The following ZIM2 variants were observed in gnomAD, a reference collection of about 807,000 sequenced individuals.
ZIM2 encodes zinc finger protein 656.
A neutral mutation model predicts 38.6 loss-of-function variants in ZIM2; 14 were observed. The observed-to-expected ratio is 0.36, with a 90% CI of 0.24 to 0.57. ZIM2 has a LOEUF of 0.57. Ranked by LOEUF, ZIM2 falls within the 20% of genes least tolerant of loss-of-function variation. The pLI is 0.81. For synonymous variants in ZIM2, 247 were observed against 245.8 expected (o/e 1.00, Z -0.04); for missense variants, 680 against 695.1 (o/e 0.98, Z 0.24).
chr19:56,822,731 A>C, intron 6 of ZIM2, 22 bp downstream of exon 6: 1 of 1,613,364 alleles, frequency 6.2e-7, no homozygotes, highest in Non-Finnish European at 8.5e-7. Context: ...TCCTACTGGG[A>C]AAGAAAGTGG....
intron 9 of ZIM2, chr19:56,815,768 C>T: frequency 6.2e-7 from 1 of 1,613,836 alleles, no homozygotes; most frequent in Non-Finnish European, 8.5e-7. Flanking sequence ...ACAGAGTCTT[C>T]ATAGTTGCGA....
At chr19:56,777,242 A>G (rs1368250775) in intron 12 of ZIM2, among the ~76,000 whole-genome samples, 2 of 152,230 alleles carry the variant, frequency 1.3e-5, no homozygotes, top group Non-Finnish European at 2.9e-5. Flanking sequence ...AGCTGGGCCC[A>G]TCACAATGGA....
chr19:56,824,233 G>T (rs771854254), intron 4 of ZIM2, 29 bp downstream of exon 4: 2 of 1,606,128 alleles, frequency 1.2e-6, no homozygotes, highest in South Asian at 2.2e-5. Flanking sequence ...GGCCTGCACT[G>T]ACCACCAACA....
chr19:56,795,467 T>G (rs2047158312), intron 9 of ZIM2, among the ~76,000 whole-genome samples: 3 of 152,148 alleles, frequency 2.0e-5, no homozygotes, highest in Non-Finnish European at 4.4e-5. Context: ...CGAACTTACC[T>G]CGCACGCCTC....
At chr19:56,839,639 T>C (rs1236386238) in intron 1 of ZIM2, among the ~76,000 whole-genome samples, 3 of 152,272 alleles carry the variant, frequency 2.0e-5, no homozygotes, top group African/African-American at 4.8e-5. Context: ...GAACAGCGCC[T>C]ACTCGGCAAA....
intron 1 of ZIM2, among the ~76,000 whole-genome samples, chr19:56,837,786 C>T (rs929082026): frequency 4.6e-5 from 7 of 152,272 alleles, no homozygotes; most frequent in Non-Finnish European, 1.0e-4. Context: ...AACAGCCCTG[C>T]TGTCACTCAA....
At chr19:56,839,188 C>T (rs1307180613) in intron 1 of ZIM2, among the ~76,000 whole-genome samples, 4 of 152,142 alleles carry the variant, frequency 2.6e-5, no homozygotes, top group African/African-American at 4.8e-5. Flanking sequence ...CACCCTGTCA[C>T]TTCAGCCTTG....
At chr19:56,797,031 G>C (rs2047266054) in intron 9 of ZIM2, among the ~76,000 whole-genome samples, 1 of 151,840 alleles carries the variant, frequency 6.6e-6, no homozygotes, top group Admixed American at 6.6e-5. Context: ...CGGTGGCTCA[G>C]CCAGGCTTGG....
chr19:56,815,849 T>C (rs1293651587), intron 9 of ZIM2: 2 of 1,613,762 alleles, frequency 1.2e-6, no homozygotes, highest in Non-Finnish European at 1.7e-6. Flanking sequence ...AGGTCTGAGA[T>C]ATAAATGGAG....
At chr19:56,813,084 A>C in intron 9 of ZIM2, 1 of 985,518 alleles carries the variant, frequency 1.0e-6, no homozygotes, top group Non-Finnish European at 1.2e-6. Context: ...TTTAAGGGTA[A>C]GAAACAAAAC....
chr19:56,777,013 C>T (rs553782338), intron 12 of ZIM2, among the ~76,000 whole-genome samples: 132 of 152,160 alleles, frequency 8.7e-4, no homozygotes, highest in African/African-American at 2.3e-3. Flanking sequence ...TTTATCTTGA[C>T]GGAGGTAAGA....
intron 9 of ZIM2, chr19:56,817,382 A>G (rs750702032): frequency 6.2e-6 from 10 of 1,613,894 alleles, no homozygotes; most frequent in Non-Finnish European, 6.8e-6. Flanking sequence ...CTCTTGTTCA[A>G]TGAAATGTCC....
At chr19:56,805,577 A>C (rs1294392562) in intron 9 of ZIM2, among the ~76,000 whole-genome samples, 2 of 152,222 alleles carry the variant, frequency 1.3e-5, no homozygotes, top group East Asian at 3.9e-4. Context: ...TGGGTGGATC[A>C]AAACTAGCAT....
intron 6 of ZIM2, chr19:56,822,530 C>A: frequency 4.3e-6 from 2 of 466,224 alleles, no homozygotes; most frequent in Non-Finnish European, 7.4e-6. Flanking sequence ...CTTAAGAATA[C>A]TGAGCAAATA....
intron 2 of ZIM2, among the ~76,000 whole-genome samples, chr19:56,835,735 C>A (rs928416359): frequency 5.9e-5 from 9 of 152,208 alleles, no homozygotes; most frequent in African/African-American, 2.2e-4. Context: ...GTGGATGAAT[C>A]TCTCATGCTT....
intron 3 of ZIM2, among the ~76,000 whole-genome samples, chr19:56,825,739 C>T (rs1219197054): frequency 2.0e-5 from 3 of 152,008 alleles, no homozygotes; most frequent in Non-Finnish European, 4.4e-5. Flanking sequence ...GCTTTACTTC[C>T]AGAGAAGAAA....
At chr19:56,810,560 A>G in intron 9 of ZIM2, 1 of 941,256 alleles carries the variant, frequency 1.1e-6, no homozygotes. Context: ...AAAGTTTTGT[A>G]TGAGTATGTA....
intron 9 of ZIM2, chr19:56,813,116 CAG>C (rs2059650352): frequency 1.0e-6 from 1 of 983,546 alleles, no homozygotes; most frequent in Admixed American, 6.2e-5. Flanking sequence ...AAGATATTGA[CAG>C]GGTTCAAATA....
chr19:56,827,839 C>A (rs4801389), intron 2 of ZIM2, among the ~76,000 whole-genome samples: 119,734 of 152,054 alleles, frequency 0.79, 47,244 homozygotes, highest in South Asian at 0.85. Context: ...ACAGCATTCT[C>A]AGAAACTAAA....
Sources: allele counts gnomAD v4.1 joint callset (sites outside exome capture counted in the v4.1 genomes callset), GRCh38; gene constraint gnomAD v4.1.1; transcripts MANE v1.5; gene names NCBI Gene and HGNC (gene_info 2026-07-23, HGNC 2026-07-21).